Variants in DTNA observed in about 807,000 individuals in gnomAD.
The protein encoded by DTNA is dystrobrevin alpha.
DTNA carries 43 observed loss-of-function variants against 100.7 expected under a neutral mutation model. That is an observed-to-expected ratio of 0.43 (90% CI 0.33 to 0.55). DTNA has a LOEUF of 0.55. Among genes scored for constraint, DTNA ranks in the 20% least tolerant of loss-of-function variants. The pLI is 0.04. For missense variants in DTNA, 798 were observed against 953.9 expected, an observed-to-expected ratio of 0.84 and a Z score of 2.15; for synonymous variants, 349 against 347.9, an observed-to-expected ratio of 1.00 and a Z score of -0.04.
chr18:34,613,512 G>A (rs889824268), intron 1 of DTNA, among the ~76,000 whole-genome samples: 2 of 152,204 alleles, frequency 1.3e-5, no homozygotes, highest in Admixed American at 1.3e-4. Context: ...AAAAGGGAAA[G>A]TTCTTGAAGG....
chr18:34,669,101 TG>T (rs1312980239), intron 1 of DTNA, among the ~76,000 whole-genome samples: 1 of 152,186 alleles, frequency 6.6e-6, no homozygotes, highest in African/African-American at 2.4e-5. Flanking sequence ...TTTATGTATC[TG>T]GGGGCTCCTG....
intron 1 of DTNA, among the ~76,000 whole-genome samples, chr18:34,713,804 T>C (rs1172315990): frequency 2.0e-5 from 3 of 152,024 alleles, no homozygotes; most frequent in Admixed American, 6.5e-5. Flanking sequence ...CCTTGAGCAG[T>C]GGTTTGTAGT....
At chr18:34,551,958 A>G (rs1427902904) in intron 1 of DTNA, among the ~76,000 whole-genome samples, 1 of 151,314 alleles carries the variant, frequency 6.6e-6, no homozygotes, top group Non-Finnish European at 1.5e-5. Context: ...ATAAACTAAG[A>G]CTCTTTTCCC....
intron 1 of DTNA, among the ~76,000 whole-genome samples, chr18:34,533,665 A>G (rs1440078589): frequency 1.3e-5 from 2 of 151,798 alleles, no homozygotes; most frequent in African/African-American, 4.9e-5. Context: ...AAAAAAATAC[A>G]TACACAGAAA....
intron 1 of DTNA, among the ~76,000 whole-genome samples, chr18:34,511,082 A>T (rs2144905683): frequency 6.6e-6 from 1 of 152,218 alleles, no homozygotes. Context: ...CATTAAGCTT[A>T]TAGAGACTGA....
intron 1 of DTNA, among the ~76,000 whole-genome samples, chr18:34,568,493 T>C (rs1400690360): frequency 6.6e-6 from 1 of 152,216 alleles, no homozygotes; most frequent in East Asian, 1.9e-4. Context: ...CCATATTTTC[T>C]ATCCTCTATC....
intron 1 of DTNA, among the ~76,000 whole-genome samples, chr18:34,694,993 A>G (rs1056148329): frequency 2.0e-5 from 3 of 152,166 alleles, no homozygotes; most frequent in African/African-American, 7.2e-5. Flanking sequence ...AGGACGGAGC[A>G]TGCCACCACC....
intron 1 of DTNA, among the ~76,000 whole-genome samples, chr18:34,569,725 G>A (rs1002807442): frequency 1.3e-5 from 2 of 152,146 alleles, no homozygotes; most frequent in African/African-American, 4.8e-5. Context: ...GTGCACATCT[G>A]AAGGCTGTCT....
intron 1 of DTNA, among the ~76,000 whole-genome samples, chr18:34,597,339 C>A (rs1366672823): frequency 6.6e-6 from 1 of 152,152 alleles, no homozygotes; most frequent in Non-Finnish European, 1.5e-5. Flanking sequence ...AGTACTAAGA[C>A]ATTTAAAAAA....
chr18:34,736,828 T>C (rs1284286144), intron 1 of DTNA, among the ~76,000 whole-genome samples: 1 of 152,190 alleles, frequency 6.6e-6, no homozygotes, highest in Non-Finnish European at 1.5e-5. Flanking sequence ...CAGTAATGAA[T>C]TTTGAAAACC....
chr18:34,709,033 C>G (rs2082460407), upstream of DTNA, among the ~76,000 whole-genome samples: 1 of 152,138 alleles, frequency 6.6e-6, no homozygotes, highest in African/African-American at 2.4e-5. Context: ...CCTTGCCTCT[C>G]TTTGTGATGT....
chr18:34,643,705 A>G (rs1219302037), intron 1 of DTNA, among the ~76,000 whole-genome samples: 1 of 152,208 alleles, frequency 6.6e-6, no homozygotes, highest in African/African-American at 2.4e-5. Context: ...AGATTATATG[A>G]TAGAAACTGC....
intron 1 of DTNA, among the ~76,000 whole-genome samples, chr18:34,583,175 A>T (rs2048801271): frequency 6.6e-6 from 1 of 152,226 alleles, no homozygotes; most frequent in Non-Finnish European, 1.5e-5. Context: ...ACAACATGTA[A>T]TGTCAGAATA....
At chr18:34,824,818 T>G (rs1173471488) in intron 9 of DTNA, among the ~76,000 whole-genome samples, 3 of 151,286 alleles carry the variant, frequency 2.0e-5, no homozygotes. Flanking sequence ...TAGGCTGAGA[T>G]TACAAGTGTG....
chr18:34,805,932 C>T (rs1202394921), intron 4 of DTNA, among the ~76,000 whole-genome samples: 2 of 152,186 alleles, frequency 1.3e-5, no homozygotes, highest in African/African-American at 2.4e-5. Context: ...GTAGATATTC[C>T]TCTGGCTATC....
chr18:34,688,371 T>C (rs937967849), intron 1 of DTNA, among the ~76,000 whole-genome samples: 2 of 152,218 alleles, frequency 1.3e-5, no homozygotes, highest in Non-Finnish European at 2.9e-5. Flanking sequence ...TGCTTGTCTG[T>C]AAGGGATTTT....
intron 14 of DTNA, 144 bp downstream of exon 14, chr18:34,848,527 G>A (rs1603219693): frequency 2.1e-6 from 2 of 956,806 alleles, no homozygotes; most frequent in Non-Finnish European, 3.2e-6. Context: ...TGCTAAGTTT[G>A]TGGTGTCTTG....
chr18:34,867,181 T>G (rs1477464844), intron 17 of DTNA: 1 of 1,231,424 alleles, frequency 8.1e-7, no homozygotes, highest in African/African-American at 1.5e-5. Context: ...ATTTCTTCTG[T>G]ATGCTCTTTT....
chr18:34,685,913 G>C (rs1308576034), intron 1 of DTNA, among the ~76,000 whole-genome samples: 1 of 152,156 alleles, frequency 6.6e-6, no homozygotes, highest in Non-Finnish European at 1.5e-5. Flanking sequence ...GTGAATGGGA[G>C]TTTGCTCATG....
Sources: allele counts gnomAD v4.1 joint callset (sites outside exome capture counted in the v4.1 genomes callset), GRCh38; gene constraint gnomAD v4.1.1; transcripts MANE v1.5; gene names NCBI Gene and HGNC (gene_info 2026-07-23, HGNC 2026-07-21).